WDR25: variants seen among roughly 807,000 people sequenced by gnomAD.
WDR25 encodes WD repeat-containing protein 25.
In WDR25, 35 loss-of-function variants were observed where a neutral mutation model predicts 47.7. That is an observed-to-expected ratio of 0.73 (90% CI 0.56 to 0.97). The LOEUF (loss-of-function observed/expected upper bound fraction) is 0.97, where lower values mean the gene tolerates loss of function less well. WDR25 is among the 50% of genes least tolerant of loss of function. The probability of loss-of-function intolerance (pLI) is 0.00; values close to 1 mark genes in which losing one functional copy is unlikely to be tolerated. For synonymous variants in WDR25, 248 were observed against 278.9 expected, an observed-to-expected ratio of 0.89 and a Z score of 1.10; for missense variants, 634 against 704.7, an observed-to-expected ratio of 0.90 and a Z score of 1.14.
intron 4 of WDR25, among the ~76,000 whole-genome samples, chr14:100,507,928 C>T (rs951247437): frequency 1.3e-5 from 2 of 152,086 alleles, no homozygotes; most frequent in Admixed American, 6.5e-5. Context: ...TTGCCTGACT[C>T]ATTCTACAAA....
chr14:100,520,561 C>T (rs1057067592), intron 4 of WDR25, among the ~76,000 whole-genome samples: 1 of 152,194 alleles, frequency 6.6e-6, no homozygotes, highest in South Asian at 2.1e-4. Flanking sequence ...CTTTTGATAG[C>T]CACCATCCTA....
At chr14:100,492,164 C>T (rs1048528395) in intron 4 of WDR25, among the ~76,000 whole-genome samples, 2 of 152,232 alleles carry the variant, frequency 1.3e-5, no homozygotes, top group Non-Finnish European at 2.9e-5. Flanking sequence ...CTGCTGAAAA[C>T]ATCTGTTTCT....
At chr14:100,484,312 A>C (rs901806914) in intron 4 of WDR25, among the ~76,000 whole-genome samples, 188 bp downstream of exon 4, 2 of 152,232 alleles carry the variant, frequency 1.3e-5, no homozygotes, top group African/African-American at 4.8e-5. Context: ...TCAGACTTAA[A>C]ATATCAAAGG....
chr14:100,456,564 AG>A (rs1175443973), intron 2 of WDR25, among the ~76,000 whole-genome samples: 5 of 152,260 alleles, frequency 3.3e-5, no homozygotes, highest in African/African-American at 1.2e-4. Context: ...GATACAAAAA[AG>A]ATCCAAACTG....
intron 4 of WDR25, among the ~76,000 whole-genome samples, chr14:100,490,773 C>T (rs772038756): frequency 1.3e-5 from 2 of 152,166 alleles, no homozygotes; most frequent in Non-Finnish European, 1.5e-5. Context: ...GAGATGGCTT[C>T]GTCTACTTGG....
At chr14:100,489,242 T>A (rs911526026) in intron 4 of WDR25, among the ~76,000 whole-genome samples, 2 of 152,142 alleles carry the variant, frequency 1.3e-5, no homozygotes, top group African/African-American at 4.8e-5. Context: ...TGCTCCCCGG[T>A]GTTTGGTGGA....
intron 2 of WDR25, among the ~76,000 whole-genome samples, chr14:100,463,344 C>T (rs751290693): frequency 5.3e-5 from 8 of 152,222 alleles, no homozygotes; most frequent in East Asian, 1.9e-4. Flanking sequence ...TCATTCTCAG[C>T]GGACCCACCC....
Position 100,506,977 on chromosome 14 carries a change from A to G in WDR25, c.1102-18893A>G, listed in dbSNP as rs1901131494. 6.6e-6 allele frequency among the ~76,000 whole-genome samples: 1 copy of G among 152,168 alleles called. No homozygotes were observed. Among genetic ancestry groups the G allele is most frequent in the South Asian group, 2.1e-4 (1 of 4,828 alleles). ...AGTTGCTTTTGAGGACTTAGCAATA[A>G]ATTCTTTCCTAAGGCTGATGTCCAA... is the stretch of plus-strand genomic sequence containing the variant. On this transcript the variant is annotated intron_variant, in intron 4 of 6. Transcript: ENST00000402312. This position sits in a 1 kb window ranked among gnomAD's most constrained non-coding sequence, Gnocchi z 4.8.
intron 3 of WDR25, among the ~76,000 whole-genome samples, chr14:100,471,533 T>C (rs1193193214): frequency 6.6e-6 from 1 of 152,226 alleles, no homozygotes; most frequent in Non-Finnish European, 1.5e-5. Flanking sequence ...CTGATCTCCC[T>C]TTCTACTGGA....
At chr14:100,486,557 T>C (rs1900389984) in intron 4 of WDR25, among the ~76,000 whole-genome samples, 1 of 152,162 alleles carries the variant, frequency 6.6e-6, no homozygotes, top group South Asian at 2.1e-4. Context: ...CTTAGACAGG[T>C]GTTGCCCATG....
At chr14:100,377,092 ACGGGCACC>A (rs1896712959) in intron 1 of WDR25, among the ~76,000 whole-genome samples, 1 of 152,138 alleles carries the variant, frequency 6.6e-6, no homozygotes, top group East Asian at 1.9e-4. Flanking sequence ...CAGAGGGAGC[ACGGGCACC>A]CTGGTGGTGG....
At chr14:100,412,640 GT>G (rs1464974341) in intron 2 of WDR25, among the ~76,000 whole-genome samples, 28 of 152,180 alleles carry the variant, frequency 1.8e-4, no homozygotes, top group African/African-American at 6.0e-4. Context: ...CCTTTCAGTT[GT>G]GTTTTTAATC....
chr14:100,424,781 G>T lies in WDR25; in HGVS notation c.822+43035G>T, dbSNP rs555968041. Among the ~76,000 whole-genome samples the T allele has an allele frequency of 2.6e-5, 4 of 152,336 alleles. No homozygotes were observed. In the East Asian group the frequency reaches 7.7e-4, roughly 29 times the overall value. ...AGCCGTGACCACCTACTATGGACCA[G>T]CTTCTGCCAGGCACCTTGTAGTCTA... On this transcript the variant is annotated intron_variant, in intron 2 of 6. Transcript: ENST00000402312. This position sits in a 1 kb window ranked among gnomAD's most constrained non-coding sequence, Gnocchi z 4.2.
Position 100,529,118 on chromosome 14 carries a change from C to T in WDR25, c.1323C>T (p.Phe441=). 2 of 1,593,454 alleles carry T rather than the reference C, an allele frequency of 1.3e-6. No homozygotes were observed. Among genetic ancestry groups the T allele is most frequent in the Non-Finnish European group, 1.7e-6 (2 of 1,164,356 alleles). The change falls in exon 6 of 7, where the codon TTC becomes TTT. Residue 441 remains phenylalanine (F), a synonymous_variant. Transcript: ENST00000402312. This position sits in a 1 kb window ranked among gnomAD's most constrained non-coding sequence, Gnocchi z 5.1. ...SLALHPREPV[F]LAQTNGNYLA... Reference sequence around the variant, plus strand: ...CCTTGCACCCGAGAGAGCCCGTGTTCCTGGCACAGACCAATGGCAACTACC... The same window carrying T: ...CCTTGCACCCGAGAGAGCCCGTGTTTCTGGCACAGACCAATGGCAACTACC...
At position 100,412,532 on chromosome 14, in the gene WDR25, G is replaced by A. The variant is rs1165974033; in HGVS notation, c.822+30786G>A. 6.6e-5 allele frequency among the ~76,000 whole-genome samples: 10 copies of A among 152,304 alleles called. No individual in the cohort carries two copies. In the South Asian group the frequency reaches 2.1e-3, roughly 32 times the overall value. ...TTTTGTAGTAAGTGATTGTAAGTAT[G>A]CATGTGCGTCTACGTTAATAAGTTA... On this transcript the variant is annotated intron_variant, in intron 2 of 6. Transcript: ENST00000402312.
intron 4 of WDR25, among the ~76,000 whole-genome samples, chr14:100,509,044 C>G (rs1248083713): frequency 6.6e-6 from 1 of 151,820 alleles, no homozygotes; most frequent in Non-Finnish European, 1.5e-5. Flanking sequence ...ACATTTTTTC[C>G]TATATTCTTT....
intron 2 of WDR25, among the ~76,000 whole-genome samples, chr14:100,459,279 T>C (rs1361463799): frequency 6.6e-6 from 1 of 152,188 alleles, no homozygotes; most frequent in Non-Finnish European, 1.5e-5. Context: ...ACTTAGATGA[T>C]ATGGAAGAGT....
At position 100,488,837 on chromosome 14, in the gene WDR25, C is replaced by G. The variant is rs992692935; in HGVS notation, c.1101+4713C>G. Among the ~76,000 whole-genome samples the G allele has an allele frequency of 6.6e-6, 1 of 152,252 alleles. No individual in the cohort carries two copies. The highest frequency in any genetic ancestry group is 2.4e-5 in the African/African-American group (1 of 41,470). ...CTCAGGGACAACGATCACTCTTGAT[C>G]TGTGGGCACTTTTATCCACAGGTGT... On this transcript the variant is annotated intron_variant, in intron 4 of 6. Coordinates refer to ENST00000402312, the MANE Select transcript of WDR25 (RefSeq NM_001161476.3). This position sits in a 1 kb window ranked among gnomAD's most constrained non-coding sequence, Gnocchi z 4.2.
chr14:100,504,900 T>G (rs2140354360), intron 4 of WDR25, among the ~76,000 whole-genome samples: 1 of 152,290 alleles, frequency 6.6e-6, no homozygotes, highest in East Asian at 1.9e-4. Context: ...GTTGTCAGTC[T>G]TTTTCATTTT....
Sources: allele counts gnomAD v4.1 joint callset (sites outside exome capture counted in the v4.1 genomes callset), GRCh38; gene constraint gnomAD v4.1.1; non-coding constraint Gnocchi (gnomAD v3.1); transcripts MANE v1.5; gene names NCBI Gene and HGNC (gene_info 2026-07-23, HGNC 2026-07-21).